TRA2B: variants seen among roughly 807,000 people sequenced by gnomAD.
TRA2B encodes transformer-2 protein homolog beta.
In TRA2B, 14 loss-of-function variants were observed where a neutral mutation model predicts 41.7. The observed-to-expected ratio is 0.34, with a 90% CI of 0.22 to 0.53. The LOEUF is 0.53. TRA2B is among the 20% of genes least tolerant of loss of function. The pLI, the probability that TRA2B is intolerant of heterozygous loss-of-function variation, is 0.95. For missense variants in TRA2B, 167 were observed against 396.8 expected (o/e 0.42, Z 4.92); for synonymous variants, 130 against 128.8 (o/e 1.01, Z -0.06).
chr3:185,925,904 T>C lies in TRA2B; in HGVS notation c.171-278A>G, dbSNP rs115907919. Among the ~76,000 whole-genome samples, 234 of 152,362 alleles carry C rather than the reference T, an allele frequency of 1.5e-3. 1 individual carries two copies. Among genetic ancestry groups the C allele is most frequent in the Non-Finnish European group, 2.5e-3 (170 of 68,032 alleles). On this transcript the variant is annotated intron_variant, in intron 2 of 8. Transcript: ENST00000453386. ...TCAAGGCACGCAGCATTTTACTAGCTTGGCTTGTGCCCATCTTTCCCCCTC... is the reference window on the plus strand; with the variant it reads ...TCAAGGCACGCAGCATTTTACTAGCCTGGCTTGTGCCCATCTTTCCCCCTC...
chr3:185,932,864 C>T (rs1744202412), intron 1 of TRA2B, among the ~76,000 whole-genome samples: 1 of 152,000 alleles, frequency 6.6e-6, no homozygotes, highest in African/African-American at 2.4e-5. Flanking sequence ...AAATGTAAGG[C>T]TTTGTTTAAA....
chr3:185,918,716 GA>G (rs1165206836), intron 7 of TRA2B, among the ~76,000 whole-genome samples: 1 of 152,092 alleles, frequency 6.6e-6, no homozygotes, highest in African/African-American at 2.4e-5. Flanking sequence ...TTTTGTAAAA[GA>G]AAATTCCTGG....
chr3:185,937,824 C>T lies in TRA2B; in HGVS notation c.36+1G>A. 1 of 1,614,146 alleles carries T rather than the reference C, an allele frequency of 6.2e-7. No individual in the cohort carries two copies. The highest frequency in any genetic ancestry group is 2.2e-5 in the East Asian group (1 of 44,874). ...CCACCCCCTACCGCAGCTCTACGTA[C>T]CCGCTCGCCGTAGTTCTGCTCGCCG... On this transcript the variant is annotated splice_donor_variant, in intron 1 of 8. Transcript: ENST00000453386. LOFTEE classifies it high-confidence loss of function.
chr3:185,936,357 T>TA (rs919655510), intron 1 of TRA2B: 23 of 984,136 alleles, frequency 2.3e-5, no homozygotes, highest in African/African-American at 1.6e-4. Context: ...AGCAAGAACT[T>TA]AAAAAAAAAT....
In TRA2B at chr3:185,925,626, C is replaced by T. The variant is rs1240503141; in HGVS notation, c.171G>A (p.Arg57=). Residue 57 remains arginine (R), a splice_region_variant and synonymous_variant, in exon 3 of 9, where the codon AGG becomes AGA. Transcript: ENST00000453386. The part of the protein sequence containing the change: ...RSKSRSRSES[R]SRSRRSSRRH... The stretch of plus-strand genomic sequence containing the variant: ...TTCGGGAGCTTCTTCTGGATCTAGA[C>T]CTGCAAGACAAAGACCTCCTAAGGT... 5 of 1,612,016 alleles carry T rather than the reference C, an allele frequency of 3.1e-6. No individual in the cohort carries two copies. Among genetic ancestry groups the T allele is most frequent in the Admixed American group, 1.7e-5 (1 of 59,458 alleles).
At position 185,922,340 on chromosome 3, in the gene TRA2B, T is replaced by A. The variant is rs1743774397; in HGVS notation, c.523-214A>T. Reference sequence around the variant, plus strand: ...TCATAAAAACTTGAAACAATTATTTTACCTAACTATGATCCTGACAGTATT... The same window carrying A: ...TCATAAAAACTTGAAACAATTATTTAACCTAACTATGATCCTGACAGTATT... On this transcript the variant is annotated intron_variant, in intron 4 of 8. Transcript: ENST00000453386. The A allele has an allele frequency of 4.6e-5, 18 of 390,562 alleles. No individual in the cohort carries two copies. The South Asian group carries it at 1.1e-3, about 24-fold the overall frequency. 24.2% of individuals were successfully genotyped at this position (390,562 alleles called of 1,614,324 possible).
intron 5 of TRA2B, 65 bp downstream of exon 5, chr3:185,921,943 CACT>C (rs1743760431): frequency 8.4e-7 from 1 of 1,185,390 alleles, no homozygotes; most frequent in Non-Finnish European, 1.2e-6. Context: ...GAAGACTTTC[CACT>C]AATACAAGTG....
At chr3:185,929,371 C>T (rs1042076950) in intron 1 of TRA2B, among the ~76,000 whole-genome samples, 3 of 152,058 alleles carry the variant, frequency 2.0e-5, no homozygotes, top group Non-Finnish European at 2.9e-5. Flanking sequence ...GGGGAAGTCC[C>T]TAAATCTAAG....
intron 1 of TRA2B, among the ~76,000 whole-genome samples, chr3:185,934,227 C>G (rs1001345076): frequency 9.9e-5 from 15 of 152,122 alleles, no homozygotes; most frequent in Non-Finnish European, 2.2e-4. Flanking sequence ...ACATAAAATG[C>G]TAAGGCTCAA....
At chr3:185,926,195 A>AG (rs1743944690) in intron 2 of TRA2B, among the ~76,000 whole-genome samples, 1 of 147,458 alleles carries the variant, frequency 6.8e-6, no homozygotes, top group Non-Finnish European at 1.5e-5. Context: ...ACCAACATTA[A>AG]AAAAAAAAAA....
At chr3:185,936,985 A>G (rs1311041091) in intron 1 of TRA2B, 1 of 985,302 alleles carries the variant, frequency 1.0e-6, no homozygotes, top group Non-Finnish European at 1.2e-6. Flanking sequence ...GAACGCCTCA[A>G]AACAAAGGAA....
chr3:185,937,745 C>T (rs1744425882), intron 1 of TRA2B, 80 bp downstream of exon 1: 16 of 1,601,014 alleles, frequency 1.0e-5, no homozygotes, highest in Non-Finnish European at 1.7e-6. Flanking sequence ...CCCCTGCCTC[C>T]TGGCCCGAGG....
intron 1 of TRA2B, chr3:185,936,414 C>A (rs1053174589): frequency 9.3e-5 from 92 of 985,196 alleles, no homozygotes; most frequent in Non-Finnish European, 1.8e-5. Context: ...GGAAAAACAT[C>A]AAAAACTAAA....
chr3:185,921,635 G>C (rs114503286), intron 5 of TRA2B, among the ~76,000 whole-genome samples: 2 of 152,032 alleles, frequency 1.3e-5, no homozygotes, highest in African/African-American at 4.8e-5. Flanking sequence ...GTTGCGACAC[G>C]CGCCTGTAGT....
intron 1 of TRA2B, chr3:185,935,642 T>A: frequency 1.0e-6 from 1 of 985,450 alleles, no homozygotes; most frequent in Non-Finnish European, 1.2e-6. Flanking sequence ...TGGAGTTGAA[T>A]AACACTCATT....
At chr3:185,920,863 A>AT (rs1241878632) in intron 6 of TRA2B, among the ~76,000 whole-genome samples, 1 of 152,216 alleles carries the variant, frequency 6.6e-6, no homozygotes, top group African/African-American at 2.4e-5. Context: ...ACATTTTATT[A>AT]TTAATATTCC....
intron 1 of TRA2B, chr3:185,927,262 G>C (rs1171287749): frequency 6.6e-6 from 1 of 152,228 alleles, no homozygotes; most frequent in East Asian, 1.9e-4. Context: ...TCAAATCCTA[G>C]AGAAAAGCAG....
At chr3:185,930,591 T>C (rs990501717) in intron 1 of TRA2B, among the ~76,000 whole-genome samples, 1 of 152,110 alleles carries the variant, frequency 6.6e-6, no homozygotes, top group Non-Finnish European at 1.5e-5. Context: ...AACCGCTGGC[T>C]GACTACTACT....
intron 1 of TRA2B, chr3:185,936,260 CTGTTA>C (rs1744350376): frequency 3.0e-6 from 3 of 985,414 alleles, no homozygotes; most frequent in East Asian, 1.1e-4. Flanking sequence ...ACACCAATGA[CTGTTA>C]TAACAGATTC....
Sources: allele counts gnomAD v4.1 joint callset (sites outside exome capture counted in the v4.1 genomes callset), GRCh38; gene constraint gnomAD v4.1.1; transcripts MANE v1.5; gene names NCBI Gene and HGNC (gene_info 2026-07-23, HGNC 2026-07-21).